Variants in GFPT1 observed in about 807,000 individuals in gnomAD.
GFPT1 encodes the protein glutamine--fructose-6-phosphate transaminase 1, also known as glutamine--fructose-6-phosphate aminotransferase [isomerizing] 1.
A neutral mutation model predicts 92.0 loss-of-function variants in GFPT1; 40 were observed. The observed-to-expected ratio is 0.43, with a 90% CI of 0.34 to 0.57. GFPT1 has a LOEUF of 0.57. Ranked by LOEUF, GFPT1 falls within the 20% of genes least tolerant of loss-of-function variation. GFPT1 has a pLI of 0.02. For synonymous variants in GFPT1, 269 were observed against 280.6 expected (o/e 0.96, Z 0.41); for missense variants, 448 against 869.1 (o/e 0.52, Z 6.09).
chr2:69,350,890 G>A (rs1431906434), intron 9 of GFPT1, among the ~76,000 whole-genome samples: 3 of 143,772 alleles, frequency 2.1e-5, no homozygotes, highest in Non-Finnish European at 4.5e-5. Context: ...GGGCAACAGA[G>A]CAAAAACTCT....
chr2:69,333,368 A>C (rs982215795), intron 15 of GFPT1, among the ~76,000 whole-genome samples: 2 of 152,256 alleles, frequency 1.3e-5, no homozygotes, highest in Non-Finnish European at 2.9e-5. Flanking sequence ...TACAAATATT[A>C]AACGGAGCAA....
intron 9 of GFPT1, among the ~76,000 whole-genome samples, chr2:69,351,587 ACAC>A (rs1438980569): frequency 6.6e-6 from 1 of 152,246 alleles, no homozygotes; most frequent in Non-Finnish European, 1.5e-5. Context: ...ATTGAAATAT[ACAC>A]CACATAAACA....
chr2:69,355,468 C>T (rs992783664), intron 7 of GFPT1, among the ~76,000 whole-genome samples: 1 of 151,960 alleles, frequency 6.6e-6, no homozygotes, highest in Non-Finnish European at 1.5e-5. Context: ...CATACCCATG[C>T]CCATTCTTTT....
rs1261938351 is a variant in GFPT1 at position 69,354,091 on chromosome 2, C to T, written c.739+168G>A. ...ACTTTCTAAATGCCAAAAGCAGACA[C>T]GCAAAATATACTCCGCAAATTAGAA... On this transcript the variant is annotated intron_variant, in intron 9 of 19. Transcript: ENST00000357308. 7.9e-5 allele frequency among the ~76,000 whole-genome samples: 12 copies of T among 152,262 alleles called. No individual in the cohort carries two copies. The South Asian group carries it at 8.3e-4, about 11-fold the overall frequency.
intron 10 of GFPT1, among the ~76,000 whole-genome samples, chr2:69,349,824 G>GT (rs1671164530): frequency 6.6e-6 from 1 of 152,094 alleles, no homozygotes. Context: ...GGAAAAAAAT[G>GT]TAAGAGCTCT....
intron 6 of GFPT1, 91 bp downstream of exon 6, chr2:69,358,238 A>G: frequency 9.0e-7 from 1 of 1,106,688 alleles, no homozygotes; most frequent in East Asian, 2.4e-5. Flanking sequence ...AAATAAAAAA[A>G]TAGCACAGTT....
Position 69,354,302 on chromosome 2 carries a change from C to T in GFPT1, c.696G>A (p.Gln232=). The T allele has an allele frequency of 6.3e-7, 1 of 1,591,652 alleles. No individual in the cohort carries two copies. Among genetic ancestry groups the T allele is most frequent in the Non-Finnish European group, 8.5e-7 (1 of 1,175,508 alleles). ...CCCACCGTGTGAATTTTGATCCAAT[C>T]TGAGTCCTAGCTAAGGATACACAAC... ...IPILYRTART[Q]IGSKFTRWGS... is the part of the protein sequence containing the mutation. The change falls in exon 9 of 20, where the codon CAG becomes CAA. Residue 232 remains glutamine, a synonymous_variant. Coordinates refer to ENST00000357308, the MANE Select transcript of GFPT1 (RefSeq NM_001244710.2).
chr2:69,346,913 T>C (rs1671095787), intron 11 of GFPT1, among the ~76,000 whole-genome samples: 1 of 151,712 alleles, frequency 6.6e-6, no homozygotes, highest in Non-Finnish European at 1.5e-5. Flanking sequence ...TGTTTTGTTT[T>C]GTTTTGTTTT....
intron 9 of GFPT1, among the ~76,000 whole-genome samples, chr2:69,350,924 A>G (rs1234474118): frequency 1.3e-5 from 2 of 152,046 alleles, no homozygotes; most frequent in Admixed American, 1.3e-4. Context: ...AAAAAAAAGA[A>G]AAAGAAAATG....
chr2:69,373,001 T>C (rs1671787739), intron 2 of GFPT1, among the ~76,000 whole-genome samples: 1 of 152,168 alleles, frequency 6.6e-6, no homozygotes, highest in Non-Finnish European at 1.5e-5. Context: ...TTTGGGAGTC[T>C]AGAATTTTGG....
intron 3 of GFPT1, among the ~76,000 whole-genome samples, chr2:69,364,339 TA>T (rs1279845762): frequency 6.6e-6 from 1 of 152,118 alleles, no homozygotes; most frequent in African/African-American, 2.4e-5. Context: ...TAATAACAGA[TA>T]AAGTTAGGTG....
intron 4 of GFPT1, among the ~76,000 whole-genome samples, chr2:69,361,031 G>A (rs564224975): frequency 7.4e-4 from 112 of 151,918 alleles, no homozygotes; most frequent in African/African-American, 2.5e-3. Context: ...CACCACACCC[G>A]GCCCCCAACA....
chr2:69,353,888 AAGTT>A (rs1419800396), intron 9 of GFPT1, among the ~76,000 whole-genome samples: 1 of 152,256 alleles, frequency 6.6e-6, no homozygotes, highest in African/African-American at 2.4e-5. Flanking sequence ...TTTCAGTTAA[AAGTT>A]AGCCTAAATG....
At chr2:69,332,066 T>A (rs1010037237) in intron 15 of GFPT1, among the ~76,000 whole-genome samples, 2 of 152,098 alleles carry the variant, frequency 1.3e-5, no homozygotes, top group African/African-American at 4.8e-5. Context: ...TTCCTTTTTA[T>A]TTTTTTAACA....
chr2:69,356,475 C>G (rs1240384883), intron 7 of GFPT1, 21 bp downstream of exon 7: 1 of 1,540,808 alleles, frequency 6.5e-7, no homozygotes, highest in South Asian at 1.1e-5. Context: ...ATACATTAGT[C>G]ATTGTTAGAG....
Position 69,325,913 on chromosome 2 carries a change from A to C in GFPT1, c.*276T>G. The C allele has an allele frequency of 2.7e-6, 1 of 371,018 alleles. No individual in the cohort carries two copies. The highest frequency in any genetic ancestry group is 4.9e-6 in the Non-Finnish European group (1 of 205,516). The allele number at this position is 371,018 out of a possible 1,614,324, so 23.0% of individuals were successfully genotyped here. A position where few individuals can be genotyped will look rare whatever the true frequency, so the allele number is the denominator to read the frequency against. On this transcript the variant is annotated 3_prime_UTR_variant, in exon 20 of 20. Coordinates refer to ENST00000357308, the MANE Select transcript of GFPT1 (RefSeq NM_001244710.2). Reference sequence around the variant, plus strand: ...GAAGTGGAGGGTCCAGAAATGCAACACCCAGCATTCTTTAAAGAAAATAAT... The same window carrying C: ...GAAGTGGAGGGTCCAGAAATGCAACCCCCAGCATTCTTTAAAGAAAATAAT...
In GFPT1 at chr2:69,350,740, T is replaced by C. The variant is rs1023503100; in HGVS notation, c.740-557A>G. On this transcript the variant is annotated intron_variant, in intron 9 of 19. Transcript: ENST00000357308. Reference sequence around the variant, plus strand: ...CAACATGGCGAAACCCCATCTCTACTGAAAATACAAAAATTGGCCAGACGT... The same window carrying C: ...CAACATGGCGAAACCCCATCTCTACCGAAAATACAAAAATTGGCCAGACGT... 1.3e-5 allele frequency among the ~76,000 whole-genome samples: 2 copies of C among 151,778 alleles called. 1 individual carries two copies. Among genetic ancestry groups the C allele is most frequent in the African/African-American group, 4.8e-5 (2 of 41,322 alleles).
intron 6 of GFPT1, among the ~76,000 whole-genome samples, chr2:69,357,520 A>T (rs1671367900): frequency 6.6e-6 from 1 of 151,932 alleles, no homozygotes. Context: ...AAGGCACACT[A>T]CTCCACTCTG....
At chr2:69,346,693 C>CAT (rs142988681) in intron 11 of GFPT1, among the ~76,000 whole-genome samples, 1,942 of 151,236 alleles carry the variant, frequency 0.013, 38 homozygotes, top group African/African-American at 0.043. Context: ...AAAAATCTGA[C>CAT]ATATATATAT....
Sources: gnomAD v4.1 joint callset for allele counts (sites outside exome capture counted in the v4.1 genomes callset) on GRCh38, gnomAD v4.1.1 for gene constraint, MANE v1.5 for transcripts, NCBI Gene and HGNC (gene_info 2026-07-23, HGNC 2026-07-21) for gene names.